The following GRIK1 variants were observed in gnomAD, a reference collection of about 807,000 sequenced individuals.
GRIK1 encodes the protein glutamate ionotropic receptor kainate type subunit 1.
A neutral mutation model predicts 105.7 loss-of-function variants in GRIK1; 69 were observed. The ratio of observed to expected loss-of-function variants is 0.65; its 90% CI spans 0.54 to 0.80. GRIK1 has a LOEUF of 0.80. Ranked by LOEUF, GRIK1 falls within the 30% of genes least tolerant of loss-of-function variation. The pLI, the probability that GRIK1 is intolerant of heterozygous loss-of-function variation, is 0.00. For missense variants in GRIK1, 1,109 were observed against 1,167.3 expected, an observed-to-expected ratio of 0.95 and a Z score of 0.73; for synonymous variants, 438 against 431.3, an observed-to-expected ratio of 1.02 and a Z score of -0.19.
intron 1 of GRIK1, among the ~76,000 whole-genome samples, chr21:29,910,588 T>C (rs2070780011): frequency 6.6e-6 from 1 of 152,142 alleles, no homozygotes; most frequent in Non-Finnish European, 1.5e-5. Flanking sequence ...AGGAAATTGA[T>C]GTCTAAATAG....
At chr21:29,825,931 T>C (rs565764023) in intron 1 of GRIK1, among the ~76,000 whole-genome samples, 1 of 152,226 alleles carries the variant, frequency 6.6e-6, no homozygotes, top group East Asian at 1.9e-4. Context: ...CTGCCTGGTC[T>C]TGTTTAAAAG....
intron 1 of GRIK1, among the ~76,000 whole-genome samples, chr21:29,880,747 G>T (rs2069377468): frequency 1.3e-5 from 2 of 152,130 alleles, no homozygotes; most frequent in South Asian, 4.1e-4. Flanking sequence ...TGGCAATCAG[G>T]ACAATGCTGC....
chr21:29,828,886 T>C (rs1317832354), intron 1 of GRIK1, among the ~76,000 whole-genome samples: 2 of 152,164 alleles, frequency 1.3e-5, no homozygotes, highest in African/African-American at 4.8e-5. Context: ...TCAGTAATGC[T>C]GAAAACTTGT....
chr21:29,702,238 C>T (rs1334517903), intron 1 of GRIK1, among the ~76,000 whole-genome samples: 2 of 152,076 alleles, frequency 1.3e-5, no homozygotes, highest in East Asian at 3.8e-4. Context: ...CACAGCAACC[C>T]ACCATGACAC....
chr21:29,654,900 G>A, intron 4 of GRIK1, 37 bp from the exon 5 acceptor site: 5 of 1,215,862 alleles, frequency 4.1e-6, no homozygotes, highest in Non-Finnish European at 6.1e-6. Flanking sequence ...ATCAGGAACA[G>A]AATTATAATA....
intron 1 of GRIK1, among the ~76,000 whole-genome samples, chr21:29,725,932 A>C (rs1404303102): frequency 6.6e-6 from 1 of 152,206 alleles, no homozygotes; most frequent in Non-Finnish European, 1.5e-5. Flanking sequence ...GCACGTTCCC[A>C]AAGGTATCTT....
At chr21:29,554,966 A>G in intron 16 of GRIK1, 86 bp downstream of exon 16, 1 of 1,170,738 alleles carries the variant, frequency 8.5e-7, no homozygotes, top group Admixed American at 2.2e-5. Flanking sequence ...ATAGACTGAA[A>G]AAGAGCAAAC....
chr21:29,820,993 A>T (rs2067286624), intron 1 of GRIK1, among the ~76,000 whole-genome samples: 1 of 151,684 alleles, frequency 6.6e-6, no homozygotes, highest in Non-Finnish European at 1.5e-5. Context: ...GAAACTCCTG[A>T]GCAATATCCT....
chr21:29,664,169 AATGTAATTAC>A (rs1601403244), intron 4 of GRIK1, among the ~76,000 whole-genome samples: 1 of 152,170 alleles, frequency 6.6e-6, no homozygotes. Context: ...CTAGCATGGA[AATGTAATTAC>A]ATTAGGTGAG....
chr21:29,621,442 T>C (rs1401465390), intron 7 of GRIK1, among the ~76,000 whole-genome samples: 4 of 152,144 alleles, frequency 2.6e-5, no homozygotes, highest in Admixed American at 6.5e-5. Flanking sequence ...TAAAACTCTT[T>C]GTTTCATTCT....
At chr21:29,596,675 C>T in intron 8 of GRIK1, 105 bp from the exon 9 acceptor site, 1 of 821,340 alleles carries the variant, frequency 1.2e-6, no homozygotes, top group Non-Finnish European at 2.1e-6. Context: ...TGTTACAGTT[C>T]CCACCCATTG....
intron 1 of GRIK1, among the ~76,000 whole-genome samples, chr21:29,857,194 G>A (rs2068489145): frequency 6.6e-6 from 1 of 152,226 alleles, no homozygotes; most frequent in East Asian, 1.9e-4. Flanking sequence ...AGAGGTCAAT[G>A]CGAAAGCTAT....
chr21:29,746,680 G>A (rs2065057310), intron 1 of GRIK1, among the ~76,000 whole-genome samples: 1 of 152,232 alleles, frequency 6.6e-6, no homozygotes, highest in South Asian at 2.1e-4. Context: ...ATCTGAAGTA[G>A]GGTGTTATCA....
chr21:29,666,581 G>T (rs1054087359), intron 4 of GRIK1, among the ~76,000 whole-genome samples: 2 of 152,050 alleles, frequency 1.3e-5, no homozygotes, highest in African/African-American at 4.8e-5. Flanking sequence ...TTCCACTGTT[G>T]TATCTCCAAC....
chr21:29,885,625 C>G (rs2069593645), intron 1 of GRIK1, among the ~76,000 whole-genome samples: 1 of 152,072 alleles, frequency 6.6e-6, no homozygotes, highest in African/African-American at 2.4e-5. Flanking sequence ...AAATTTCTAT[C>G]ATAGCATCAA....
At chr21:29,740,742 G>A (rs1233622867) in intron 1 of GRIK1, among the ~76,000 whole-genome samples, 1 of 152,124 alleles carries the variant, frequency 6.6e-6, no homozygotes. Flanking sequence ...GAAAATATTT[G>A]AAAGTGCTCA....
chr21:29,561,958 C>T, intron 14 of GRIK1, 109 bp from the exon 15 acceptor site: 1 of 682,252 alleles, frequency 1.5e-6, no homozygotes, highest in Non-Finnish European at 2.7e-6. Context: ...ATACTTTCTC[C>T]ACAGGTGGGG....
intron 8 of GRIK1, chr21:29,596,777 T>C: frequency 1.7e-6 from 1 of 585,040 alleles, no homozygotes; most frequent in East Asian, 2.9e-5. Flanking sequence ...AGTTACCTGG[T>C]GGTAAGACTC....
intron 1 of GRIK1, among the ~76,000 whole-genome samples, chr21:29,929,225 G>A (rs1052776501): frequency 6.6e-6 from 1 of 152,176 alleles, no homozygotes; most frequent in Non-Finnish European, 1.5e-5. Flanking sequence ...GCCAAGCTAA[G>A]AACCACCGGA....
Sources: gnomAD v4.1 joint callset for allele counts (sites outside exome capture counted in the v4.1 genomes callset) on GRCh38, gnomAD v4.1.1 for gene constraint, MANE v1.5 for transcripts, NCBI Gene and HGNC (gene_info 2026-07-23, HGNC 2026-07-21) for gene names.